LYZL6: variants seen among roughly 807,000 people sequenced by gnomAD.
LYZL6 encodes lysozyme like 6.
LYZL6 carries 21 observed loss-of-function variants against 15.0 expected under a neutral mutation model. The observed-to-expected ratio is 1.40, with a 90% confidence interval of 1.00 to 2.02. The LOEUF (loss-of-function observed/expected upper bound fraction) is 2.02. LYZL6 is among the 30% of genes most tolerant of loss of function. The pLI, the probability that LYZL6 is intolerant of heterozygous loss-of-function variation, is 0.00. For missense variants in LYZL6, 173 were observed against 180.5 expected (o/e 0.96, Z 0.24); for synonymous variants, 72 against 67.8 (o/e 1.06, Z -0.31).
At chr17:35,943,180 G>A (rs184547814) in intron 1 of LYZL6, among the ~76,000 whole-genome samples, 4 of 152,234 alleles carry the variant, frequency 2.6e-5, no homozygotes, top group Admixed American at 2.0e-4. Context: ...CACTCTGTGT[G>A]CGTGTGTGTC....
chr17:35,938,457 A>C (rs1163164987), intron 2 of LYZL6, among the ~76,000 whole-genome samples: 1 of 151,942 alleles, frequency 6.6e-6, no homozygotes, highest in Non-Finnish European at 1.5e-5. Context: ...GTCTCTACTA[A>C]AAATACAAAA....
intron 4 of LYZL6, among the ~76,000 whole-genome samples, 155 bp from the exon 5 acceptor site, chr17:35,935,020 G>T (rs1368576224): frequency 6.6e-6 from 1 of 152,046 alleles, no homozygotes; most frequent in African/African-American, 2.4e-5. Context: ...CCCCTCTGAC[G>T]AATCCTGTAA....
intron 1 of LYZL6, among the ~76,000 whole-genome samples, chr17:35,942,043 G>A (rs201397242): frequency 8.4e-6 from 1 of 119,538 alleles, no homozygotes; most frequent in South Asian, 2.5e-4. Context: ...AGGACACATC[G>A]CTTATGCAAT....
intron 1 of LYZL6, among the ~76,000 whole-genome samples, chr17:35,942,173 G>A (rs779476026): frequency 2.6e-5 from 4 of 152,190 alleles, no homozygotes; most frequent in Non-Finnish European, 5.9e-5. Flanking sequence ...CATGAAAACT[G>A]AAAGACTGGC....
At chr17:35,937,078 C>T (rs1390067675) in intron 3 of LYZL6, among the ~76,000 whole-genome samples, 1 of 152,220 alleles carries the variant, frequency 6.6e-6, no homozygotes, top group Non-Finnish European at 1.5e-5. Context: ...TTCTTCCTAA[C>T]CAGGGTAGAT....
At chr17:35,934,942 C>T (rs1467665304) in intron 4 of LYZL6, 77 bp from the exon 5 acceptor site, 5 of 1,401,120 alleles carry the variant, frequency 3.6e-6, no homozygotes, top group Middle Eastern at 1.8e-4. Context: ...CTTGGTGAGT[C>T]TCGCATATGG....
intron 1 of LYZL6, among the ~76,000 whole-genome samples, chr17:35,941,011 A>G (rs1400464842): frequency 6.6e-6 from 1 of 152,096 alleles, no homozygotes; most frequent in Admixed American, 6.5e-5. Context: ...ATATGTTTTT[A>G]TTTCTTTGGA....
intron 4 of LYZL6, among the ~76,000 whole-genome samples, chr17:35,935,304 T>C (rs1325629221): frequency 6.6e-6 from 1 of 152,236 alleles, no homozygotes; most frequent in Non-Finnish European, 1.5e-5. Context: ...GTGTTACTTA[T>C]ATATCTAGTT....
intron 1 of LYZL6, among the ~76,000 whole-genome samples, chr17:35,940,003 C>T (rs2089412666): frequency 6.6e-6 from 1 of 152,082 alleles, no homozygotes; most frequent in African/African-American, 2.4e-5. Context: ...CCCCCAGACA[C>T]ATGACACATG....
At position 35,934,743 on chromosome 17, in the gene LYZL6, C is replaced by T. The variant is rs2242596; in HGVS notation, c.*53G>A. On this transcript the variant is annotated 3_prime_UTR_variant, in exon 5 of 5. Transcript: ENST00000615905. ...AGTAGGAAGAAGAAATGAAGAATCCCTGAGTGAGGACAGGAGTCTTGGAAT... is the reference window on the plus strand; with the variant it reads ...AGTAGGAAGAAGAAATGAAGAATCCTTGAGTGAGGACAGGAGTCTTGGAAT... 39,966 of 1,516,056 alleles carry T rather than the reference C, an allele frequency of 0.026. 834 individuals carry two copies. Among genetic ancestry groups the T allele is most frequent in the East Asian group, 0.13 (5,785 of 44,236 alleles). 93.9% of individuals were successfully genotyped at this position (1,516,056 alleles called of 1,614,324 possible). A position where few individuals can be genotyped will look rare whatever the true frequency, so the allele number is the denominator to read the frequency against.
chr17:35,936,203 ACAGTTGATTGGAC>A (rs1364999082), intron 4 of LYZL6, among the ~76,000 whole-genome samples: 1 of 152,142 alleles, frequency 6.6e-6, no homozygotes, highest in African/African-American at 2.4e-5. Flanking sequence ...TCCCATCCCT[ACAGTTGATTGGAC>A]CAAGGGGGCA....
Position 35,936,772 on chromosome 17 carries a change from T to A in LYZL6, c.360A>T (p.Ala120=), listed in dbSNP as rs1315826490. ...IHCAKRIVSG[A]RGMNNWVEWR... The stretch of plus-strand genomic sequence containing the variant: ...CTCCTCACCAGTTGTTCATCCCCCG[T>A]GCTCCGGACACAATCCTTTTTGCGC... The change falls in exon 4 of 5, where the codon GCA becomes GCT. Residue 120 remains alanine (A), a synonymous_variant. Transcript: ENST00000615905. The A allele has an allele frequency of 1.9e-6, 3 of 1,613,762 alleles. No individual in the cohort carries two copies. The highest frequency in any genetic ancestry group is 2.2e-5 in the East Asian group (1 of 44,886).
Position 35,937,865 on chromosome 17 carries a change from T to G in LYZL6, c.191A>C (p.Glu64Ala). 1 of 1,614,130 alleles carries G rather than the reference T, an allele frequency of 6.2e-7. No individual in the cohort carries two copies. Among genetic ancestry groups the G allele is most frequent in the Non-Finnish European group, 8.5e-7 (1 of 1,180,030 alleles). Residue 64 changes from glutamate to alanine, a missense_variant, in exon 3 of 5, where the codon GAA becomes GCA. Glu to Ala is a moderately radical substitution (Grantham distance 107). Coordinates refer to ENST00000615905, the MANE Select transcript of LYZL6 (RefSeq NM_020426.4). ...ATAGTCAAAGCTTCCGTCTGCATTT[T>G]CATTTATCTTTGATATGTTGAACTT... ...ESKFNISKINENADGSFDYGL... is the reference protein window; with the variant it reads ...ESKFNISKINANADGSFDYGL...
chr17:35,941,357 G>A (rs1439740136), intron 1 of LYZL6, among the ~76,000 whole-genome samples: 1 of 152,088 alleles, frequency 6.6e-6, no homozygotes, highest in Non-Finnish European at 1.5e-5. Flanking sequence ...TTATTACTGA[G>A]TGGGAAGAGT....
rs140518522 is a variant in LYZL6 at position 35,934,786 on chromosome 17, G to C, written c.*10C>G. 1 of 1,613,602 alleles carries C rather than the reference G, an allele frequency of 6.2e-7. No individual in the cohort carries two copies. The highest frequency in any genetic ancestry group is 1.7e-5 in the Admixed American group (1 of 60,004). On this transcript the variant is annotated 3_prime_UTR_variant, in exon 5 of 5. Coordinates refer to ENST00000615905, the MANE Select transcript of LYZL6 (RefSeq NM_020426.4). Reference sequence around the variant, plus strand: ...CTTGGAATGACTCCACGGTGCACCCGCACCCTGTTTCATCTCAGGCGGCAT... The same window carrying C: ...CTTGGAATGACTCCACGGTGCACCCCCACCCTGTTTCATCTCAGGCGGCAT...
Position 35,939,338 on chromosome 17 carries a change from T to TG in LYZL6, c.18dup (p.Ile7HisfsTer20). ...GCAAGAAAGCTGCTGACCAAATAGA[T>TG]GAGTAGCGCCTTTGTCATCCTTGGA... On this transcript the variant is annotated frameshift_variant, in exon 2 of 5. Coordinates refer to ENST00000615905, the MANE Select transcript of LYZL6 (RefSeq NM_020426.4). LOFTEE classifies it high-confidence loss of function. 3 of 1,614,044 alleles carry TG rather than the reference T, an allele frequency of 1.9e-6. No individual in the cohort carries two copies. Among genetic ancestry groups the TG allele is most frequent in the African/African-American group, 1.3e-5 (1 of 74,996 alleles).
At chr17:35,940,256 T>A (rs1568423416) in intron 1 of LYZL6, among the ~76,000 whole-genome samples, 1 of 152,178 alleles carries the variant, frequency 6.6e-6, no homozygotes, top group Non-Finnish European at 1.5e-5. Context: ...AAAGGGTTGT[T>A]TTGATGATTA....
chr17:35,937,086 G>T (rs1224130993), intron 3 of LYZL6, among the ~76,000 whole-genome samples: 2 of 152,244 alleles, frequency 1.3e-5, no homozygotes, highest in Non-Finnish European at 2.9e-5. Flanking sequence ...AACCAGGGTA[G>T]ATAGTGGTTC....
In LYZL6 at chr17:35,937,914, G is replaced by A. The variant is rs776448731; in HGVS notation, c.142C>T (p.Leu48=). 4 of 1,613,344 alleles carry A rather than the reference G, an allele frequency of 2.5e-6. No individual in the cohort carries two copies. The highest frequency in any genetic ancestry group is 1.7e-5 in the Admixed American group (1 of 60,004). ...GFEGYSLSDW[L]CLAFVESKFN... ...TTGCTTTCCACAAAAGCCAGGCACA[G>A]CCCTTAGAGTAGGGAGAAGAAGGTC... The change falls in exon 3 of 5, where the codon CTG becomes TTG. Residue 48 remains leucine, a splice_region_variant and synonymous_variant. Transcript: ENST00000615905.
Sources: gnomAD v4.1 joint callset for allele counts (sites outside exome capture counted in the v4.1 genomes callset) on GRCh38, gnomAD v4.1.1 for gene constraint, MANE v1.5 for transcripts, NCBI Gene and HGNC (gene_info 2026-07-23, HGNC 2026-07-21) for gene names.